Variants in CDC27 observed in about 807,000 individuals in gnomAD.
CDC27 encodes cell division cycle protein 27 homolog.
In CDC27, 27 loss-of-function variants were observed where a neutral mutation model predicts 109.7. That is an observed-to-expected ratio of 0.25 (90% CI 0.18 to 0.34). The LOEUF (loss-of-function observed/expected upper bound fraction) is 0.34. CDC27 is among the 10% of genes least tolerant of loss of function. The pLI is 1.00. For synonymous variants in CDC27, 266 were observed against 333.9 expected (o/e 0.80, Z 2.22); for missense variants, 579 against 960.2 (o/e 0.60, Z 5.25).
chr17:47,184,048 T>C (rs566862928), intron 1 of CDC27, among the ~76,000 whole-genome samples: 3 of 152,332 alleles, frequency 2.0e-5, no homozygotes, highest in East Asian at 3.8e-4. Context: ...CATGTTTAAT[T>C]TTGCTGTAAG....
At chr17:47,159,229 C>T (rs538968689) in intron 4 of CDC27, 3 of 484,532 alleles carry the variant, frequency 6.2e-6, no homozygotes, top group East Asian at 3.2e-5. Context: ...GTCCTCTGTA[C>T]GGAGACTCTA....
At chr17:47,122,629 T>C in intron 17 of CDC27, 29 bp from the exon 18 acceptor site, 1 of 1,522,668 alleles carries the variant, frequency 6.6e-7, no homozygotes, top group Non-Finnish European at 8.8e-7. Flanking sequence ...ACTACATTTT[T>C]CATTAAGTTG....
chr17:47,118,589 A>G lies in CDC27; in HGVS notation c.*2346T>C, dbSNP rs944126668. The G allele has an allele frequency of 1.4e-4, 22 of 152,778 alleles. No homozygotes were observed. The highest frequency in any genetic ancestry group is 5.3e-4 in the African/African-American group (22 of 41,570). The allele number at this position is 152,778 out of a possible 1,614,324, so 9.5% of individuals were successfully genotyped here. The stretch of plus-strand genomic sequence containing the variant: ...ACAATTACTTATGCACCAACCTAAT[A>G]TATGTGTGAAACAGAGAAAAGGATG... On this transcript the variant is annotated 3_prime_UTR_variant, in exon 19 of 19. Coordinates refer to ENST00000066544, the MANE Select transcript of CDC27 (RefSeq NM_001256.6).
Position 47,151,871 on chromosome 17 carries a change from C to G in CDC27, c.1005G>C (p.Gln335His), listed in dbSNP as rs2063162506. ...GQTGTKSVFS[Q>H]SGNSREVTPI... The stretch of plus-strand genomic sequence containing the variant: ...GAGTTACCTCTCGGCTATTTCCACT[C>G]TGTGAGAAGACAGACTTTGTTCCAG... Residue 335 changes from glutamine to histidine, a missense_variant, in exon 9 of 19, where the codon CAG (glutamine) becomes CAC (histidine). Gln to His is a conservative substitution (Grantham distance 24). Coordinates refer to ENST00000066544, the MANE Select transcript of CDC27 (RefSeq NM_001256.6). The G allele has an allele frequency of 6.2e-7, 1 of 1,606,312 alleles. No homozygotes were observed. Among genetic ancestry groups the G allele is most frequent in the Non-Finnish European group, 8.5e-7 (1 of 1,176,332 alleles).
chr17:47,143,406 T>A (rs1437965522), intron 10 of CDC27, among the ~76,000 whole-genome samples: 2 of 152,240 alleles, frequency 1.3e-5, no homozygotes, highest in East Asian at 3.8e-4. Flanking sequence ...AGACCTTACA[T>A]GGATTTCATC....
intron 3 of CDC27, among the ~76,000 whole-genome samples, chr17:47,170,695 T>G (rs1210690574): frequency 2.0e-5 from 3 of 152,146 alleles, no homozygotes; most frequent in Non-Finnish European, 2.9e-5. Context: ...ATTACTATAC[T>G]GGGGGAGAAA....
Position 47,143,960 on chromosome 17 carries a change from G to A in CDC27, c.1093C>T (p.Pro365Ser). The A allele has an allele frequency of 6.8e-7, 1 of 1,465,446 alleles. No homozygotes were observed. Among genetic ancestry groups the A allele is most frequent in the Non-Finnish European group, 9.1e-7 (1 of 1,099,178 alleles). 90.8% of individuals were successfully genotyped at this position (1,465,446 alleles called of 1,614,324 possible). A position where few individuals can be genotyped will look rare whatever the true frequency, so the allele number is the denominator to read the frequency against. The change falls in exon 10 of 19, where the codon CCC (proline) becomes TCC (serine). Residue 365 changes from proline to serine, a missense_variant. This residue lies in a region of CDC27 where 51 missense variants were observed against 43.8 expected (regional missense o/e 1.16). Coordinates refer to ENST00000066544, the MANE Select transcript of CDC27 (RefSeq NM_001256.6). ...GCGTTTGGGGGAGATGTAATAGTGG[G>A]GCTCAATACCTGAGGTGTTGTACTA... is the stretch of plus-strand genomic sequence containing the variant. ...QTSTTPQVLS[P>S]TITSPPNALP... is the part of the protein sequence containing the mutation.
At position 47,122,493 on chromosome 17, in the gene CDC27, C is replaced by T; in HGVS notation, c.2343G>A (p.Lys781=). 1.2e-6 allele frequency: 2 copies of T among 1,610,300 alleles called. No individual in the cohort carries two copies. Among genetic ancestry groups the T allele is most frequent in the Non-Finnish European group, 1.7e-6 (2 of 1,177,778 alleles). Residue 781 remains lysine (K), a synonymous_variant, in exon 18 of 19, where the codon AAG becomes AAA. Transcript: ENST00000066544. ...GCTCCTCATCATCTGGAAGATAACG[C>T]TTATCAATTGCCTCTTTAATCTGGT... The part of the protein sequence containing the change: ...ANNQIKEAID[K]RYLPDDEEPI...
Position 47,135,043 on chromosome 17 carries a change from C to T in CDC27, c.1913+2109G>A, listed in dbSNP as rs542228092. Among the ~76,000 whole-genome samples the T allele has an allele frequency of 9.2e-5, 14 of 152,006 alleles. No individual in the cohort carries two copies. In the South Asian group the frequency reaches 1.7e-3, roughly 18 times the overall value. On this transcript the variant is annotated intron_variant, in intron 14 of 18. Coordinates refer to ENST00000066544, the MANE Select transcript of CDC27 (RefSeq NM_001256.6). ...ATAGGTACCATTATCATCCTTATTT[C>T]GAATAAGGAAACTGAAACTTAGAGA...
chr17:47,159,620 C>T, intron 4 of CDC27: 2 of 464,490 alleles, frequency 4.3e-6, no homozygotes, highest in Non-Finnish European at 7.8e-6. Context: ...GATGGCCCTG[C>T]AGATGGCAGT....
At position 47,157,394 on chromosome 17, in the gene CDC27, C is replaced by CAAAA; in HGVS notation, c.476-14_476-11dup. The CAAAA allele has an allele frequency of 5.0e-6, 7 of 1,398,620 alleles. No individual in the cohort carries two copies. Among genetic ancestry groups the CAAAA allele is most frequent in the South Asian group, 1.3e-5 (1 of 74,466 alleles). The allele number at this position is 1,398,620 out of a possible 1,614,324, so 86.6% of individuals were successfully genotyped here. A position where few individuals can be genotyped will look rare whatever the true frequency, so the allele number is the denominator to read the frequency against. On this transcript the variant is annotated splice_polypyrimidine_tract_variant and intron_variant, in intron 5 of 18. Coordinates refer to ENST00000066544, the MANE Select transcript of CDC27 (RefSeq NM_001256.6). ...GGATCTGGCTTTTCACCTGTGAAGA[C>CAAAA]AAAAAAAAAAAAAGTTTGTCTCTGA... is the stretch of plus-strand genomic sequence containing the variant.
chr17:47,165,384 T>C (rs1186501235), intron 4 of CDC27, among the ~76,000 whole-genome samples: 3 of 152,236 alleles, frequency 2.0e-5, no homozygotes, highest in Non-Finnish European at 2.9e-5. Context: ...TTTTAGCCAT[T>C]GTATCTAATG....
At chr17:47,134,148 C>T (rs887430572) in intron 14 of CDC27, among the ~76,000 whole-genome samples, 22 of 151,866 alleles carry the variant, frequency 1.4e-4, no homozygotes, top group Non-Finnish European at 5.9e-5. Context: ...ATCCTCCCAC[C>T]TTGGCCTCCC....
At chr17:47,149,471 A>G (rs904004213) in intron 9 of CDC27, among the ~76,000 whole-genome samples, 84 of 147,074 alleles carry the variant, frequency 5.7e-4, no homozygotes, top group Admixed American at 1.8e-3. Flanking sequence ...AGATCGTGCC[A>G]CTGCACTTCA....
intron 14 of CDC27, among the ~76,000 whole-genome samples, chr17:47,135,618 T>C (rs1254512874): frequency 6.6e-6 from 1 of 152,218 alleles, no homozygotes; most frequent in Non-Finnish European, 1.5e-5. Flanking sequence ...GTACTTAGAA[T>C]AAAGTTGCTC....
chr17:47,175,291 C>T (rs536172892), intron 2 of CDC27, among the ~76,000 whole-genome samples: 10 of 152,184 alleles, frequency 6.6e-5, no homozygotes, highest in Middle Eastern at 3.2e-3. Context: ...CTCTTCTTCA[C>T]GCTGATTTAT....
chr17:47,156,271 T>C (rs2063301922), intron 7 of CDC27, among the ~76,000 whole-genome samples: 1 of 151,896 alleles, frequency 6.6e-6, no homozygotes, highest in South Asian at 2.1e-4. Context: ...CCCGAGTAGC[T>C]GGATCTACAG....
intron 2 of CDC27, among the ~76,000 whole-genome samples, chr17:47,172,509 A>T (rs1210448952): frequency 1.3e-5 from 2 of 152,210 alleles, no homozygotes; most frequent in Non-Finnish European, 2.9e-5. Context: ...TCTATATTTT[A>T]AAAAGACCAG....
At chr17:47,160,864 A>T (rs1240609237) in intron 4 of CDC27, among the ~76,000 whole-genome samples, 1 of 152,210 alleles carries the variant, frequency 6.6e-6, no homozygotes, top group Non-Finnish European at 1.5e-5. Flanking sequence ...TTTTCAAGTG[A>T]GTAAAAACTA....
Sources: allele counts gnomAD v4.1 joint callset (sites outside exome capture counted in the v4.1 genomes callset), GRCh38; gene constraint gnomAD v4.1.1; regional missense constraint gnomAD v4.1.1; transcripts MANE v1.5; gene names NCBI Gene and HGNC (gene_info 2026-07-23, HGNC 2026-07-21).